ITGB5: variants seen among roughly 807,000 people sequenced by gnomAD.
ITGB5 encodes integrin beta-5.
In ITGB5, 38 loss-of-function variants were observed where a neutral mutation model predicts 84.8. The ratio of observed to expected loss-of-function variants is 0.45; its 90% CI spans 0.35 to 0.59. The LOEUF (loss-of-function observed/expected upper bound fraction) is 0.59. Among genes scored for constraint, ITGB5 ranks in the 20% least tolerant of loss-of-function variants. The pLI, the probability that ITGB5 is intolerant of heterozygous loss-of-function variation, is 0.01. For synonymous variants in ITGB5, 393 were observed against 414.4 expected (o/e 0.95, Z 0.63); for missense variants, 905 against 1,034.5 (o/e 0.87, Z 1.72).
At chr3:124,846,426 A>C (rs1410360663) in intron 4 of ITGB5, among the ~76,000 whole-genome samples, 1 of 138,224 alleles carries the variant, frequency 7.2e-6, no homozygotes, top group Non-Finnish European at 1.6e-5. Flanking sequence ...TTGCACAAGC[A>C]AAAAAAAAAA....
At chr3:124,831,312 T>A (rs1281628083) in intron 5 of ITGB5, among the ~76,000 whole-genome samples, 1 of 152,188 alleles carries the variant, frequency 6.6e-6, no homozygotes, top group Non-Finnish European at 1.5e-5. Context: ...GCTGGAAAAG[T>A]GGCCTGTGGG....
intron 8 of ITGB5, among the ~76,000 whole-genome samples, chr3:124,817,025 A>G (rs1430276731): frequency 2.2e-4 from 34 of 152,254 alleles, no homozygotes; most frequent in Non-Finnish European, 8.8e-5. Context: ...GATCAGACCA[A>G]CCAGGGCAAC....
At chr3:124,766,071 AAAAAAG>A (rs1559919403) in intron 13 of ITGB5, among the ~76,000 whole-genome samples, 149 bp downstream of exon 13, 2 of 151,890 alleles carry the variant, frequency 1.3e-5, no homozygotes, top group African/African-American at 2.4e-5. Context: ...AAAAAAAAAA[AAAAAAG>A]AAAAAGAAGA....
chr3:124,802,006 A>G (rs1259327050), intron 9 of ITGB5, among the ~76,000 whole-genome samples: 1 of 151,546 alleles, frequency 6.6e-6, no homozygotes, highest in African/African-American at 2.4e-5. Flanking sequence ...TGTCTGGGAA[A>G]CTCCTACTGG....
In ITGB5 at chr3:124,769,107, G is replaced by A. The variant is rs749896050; in HGVS notation, c.1923C>T (p.Cys641=). 30 of 1,613,576 alleles carry A rather than the reference G, an allele frequency of 1.9e-5. 1 individual carries two copies. Among genetic ancestry groups the A allele is most frequent in the South Asian group, 3.3e-5 (3 of 91,066 alleles). ...CAGAGTGGAGCAGCAGGCACTCGAC[G>A]CAATCTCTTTGGAAAAGAGGAGATA... ...CPDACSTKRD[C]VECLLLHSGK... Residue 641 remains cysteine, a synonymous_variant, in exon 12 of 15, where the codon TGC becomes TGT. Transcript: ENST00000296181.
At chr3:124,824,851 G>A (rs2064760328) in intron 5 of ITGB5, among the ~76,000 whole-genome samples, 2 of 152,146 alleles carry the variant, frequency 1.3e-5, no homozygotes, top group African/African-American at 4.8e-5. Context: ...CATTAGATCC[G>A]TATTTGAATA....
At chr3:124,871,845 A>G (rs1934068213) in intron 2 of ITGB5, among the ~76,000 whole-genome samples, 1 of 146,606 alleles carries the variant, frequency 6.8e-6, no homozygotes, top group South Asian at 2.2e-4. Context: ...AAATAAAAAT[A>G]AAAATAAATA....
At chr3:124,784,868 A>G (rs960514024) in intron 10 of ITGB5, among the ~76,000 whole-genome samples, 2 of 152,180 alleles carry the variant, frequency 1.3e-5, no homozygotes, top group African/African-American at 4.8e-5. Flanking sequence ...GAGGGTTACT[A>G]TTTTCAAACT....
chr3:124,799,366 C>T (rs541085358), intron 9 of ITGB5, among the ~76,000 whole-genome samples: 1 of 152,134 alleles, frequency 6.6e-6, no homozygotes, highest in African/African-American at 2.4e-5. Flanking sequence ...CGAGACCAAC[C>T]TGGACAACAT....
At chr3:124,869,824 T>G (rs867599401) in intron 2 of ITGB5, among the ~76,000 whole-genome samples, 26 of 152,146 alleles carry the variant, frequency 1.7e-4, no homozygotes, top group Middle Eastern at 3.2e-3. Context: ...TCATTTACTG[T>G]CAGCATCAGG....
chr3:124,783,312 A>AGAG (rs1377546229), intron 10 of ITGB5, among the ~76,000 whole-genome samples: 2 of 147,626 alleles, frequency 1.4e-5, no homozygotes, highest in African/African-American at 5.1e-5. Flanking sequence ...AAAAAAAAAA[A>AGAG]AGAGAGAGAG....
intron 9 of ITGB5, 103 bp from the exon 10 acceptor site, chr3:124,796,920 C>T (rs2064239054): frequency 7.2e-6 from 8 of 1,113,102 alleles, no homozygotes; most frequent in Middle Eastern, 2.9e-4. Context: ...GAACTCCAGC[C>T]CTCTCCACGC....
At chr3:124,843,428 C>G (rs1473726179) in intron 4 of ITGB5, among the ~76,000 whole-genome samples, 1 of 152,142 alleles carries the variant, frequency 6.6e-6, no homozygotes, top group Admixed American at 6.5e-5. Context: ...GCTGTTTAAC[C>G]AGGAAAGCTG....
At chr3:124,796,864 G>T (rs751457869) in intron 9 of ITGB5, 47 bp from the exon 10 acceptor site, 8 of 1,541,178 alleles carry the variant, frequency 5.2e-6, no homozygotes, top group East Asian at 4.5e-5. Context: ...GCAAGCCAGG[G>T]TCTCCCATTC....
At chr3:124,855,042 G>A (rs1222044727) in intron 3 of ITGB5, among the ~76,000 whole-genome samples, 2 of 152,212 alleles carry the variant, frequency 1.3e-5, no homozygotes, top group Non-Finnish European at 2.9e-5. Flanking sequence ...GCCCAGCGCA[G>A]TGGCTCACAC....
intron 4 of ITGB5, among the ~76,000 whole-genome samples, chr3:124,844,599 G>C (rs2065053871): frequency 6.6e-6 from 1 of 152,104 alleles, no homozygotes; most frequent in South Asian, 2.1e-4. Context: ...CTCATGCCAA[G>C]GACCCCCGCA....
At chr3:124,894,301 T>A (rs1412383958) in intron 1 of ITGB5, among the ~76,000 whole-genome samples, 2 of 151,734 alleles carry the variant, frequency 1.3e-5, no homozygotes, top group Non-Finnish European at 2.9e-5. Flanking sequence ...GCCCGGCTAA[T>A]TTTTTGTATT....
At position 124,865,163 on chromosome 3, in the gene ITGB5, G is replaced by A. The variant is rs112747905; in HGVS notation, c.157-5717C>T. On this transcript the variant is annotated intron_variant, in intron 2 of 14. Transcript: ENST00000296181. Reference sequence around the variant, plus strand: ...GAGATCTGTTACCTACCAAACATGAGGGATAAATATCCTTTTGCAGAGAAA... The same window carrying A: ...GAGATCTGTTACCTACCAAACATGAAGGATAAATATCCTTTTGCAGAGAAA... 5.3e-3 allele frequency among the ~76,000 whole-genome samples: 806 copies of A among 152,316 alleles called. 2 individuals carry two copies. Among genetic ancestry groups the A allele is most frequent in the African/African-American group, 0.019 (786 of 41,568 alleles).
At chr3:124,869,094 T>C (rs73860431) in intron 2 of ITGB5, among the ~76,000 whole-genome samples, 4,614 of 152,222 alleles carry the variant, frequency 0.03, 236 homozygotes, top group African/African-American at 0.11. Flanking sequence ...AGAATCCCCA[T>C]GGAATGTACC....
Sources: allele counts gnomAD v4.1 joint callset (sites outside exome capture counted in the v4.1 genomes callset), GRCh38; gene constraint gnomAD v4.1.1; transcripts MANE v1.5; gene names NCBI Gene and HGNC (gene_info 2026-07-23, HGNC 2026-07-21).